Variants in FGF2 observed in about 807,000 individuals in gnomAD.
FGF2 encodes fibroblast growth factor 2, also known as basic fibroblast growth factor bFGF.
FGF2 carries 13 observed loss-of-function variants against 15.9 expected under a neutral mutation model. The ratio of observed to expected loss-of-function variants is 0.82; its 90% confidence interval spans 0.53 to 1.30. The LOEUF (loss-of-function observed/expected upper bound fraction) is 1.30, where lower values mean the gene tolerates loss of function less well. Ranked by LOEUF, FGF2 falls within the 50% of genes most tolerant of loss-of-function variation. FGF2 has a pLI of 0.00. For synonymous variants in FGF2, 90 were observed against 78.4 expected (o/e 1.15, Z -0.78); for missense variants, 163 against 196.9 (o/e 0.83, Z 1.03).
At chr4:122,832,197 AT>A (rs1410391837) in intron 1 of FGF2, among the ~76,000 whole-genome samples, 4 of 152,286 alleles carry the variant, frequency 2.6e-5, no homozygotes, top group Middle Eastern at 3.4e-3. Context: ...CTGGCATGGG[AT>A]AAAAGTCTAT....
Position 122,876,432 on chromosome 4 carries a change from T to C in FGF2, c.282+8T>C. ...GGAAGATTACTGGCTTCTGTAAGCA[T>C]ACTTTCTGTTTTCACACGTTTTTTG... On this transcript the variant is annotated splice_region_variant and intron_variant, in intron 2 of 2. Coordinates refer to ENST00000644866, the MANE Select transcript of FGF2 (RefSeq NM_001361665.2). 2 of 1,558,962 alleles carry C rather than the reference T, an allele frequency of 1.3e-6. No homozygotes were observed. The highest frequency in any genetic ancestry group is 1.8e-6 in the Non-Finnish European group (2 of 1,129,736).
intron 2 of FGF2, among the ~76,000 whole-genome samples, chr4:122,889,716 C>T (rs1727130204): frequency 6.6e-6 from 1 of 151,898 alleles, no homozygotes; most frequent in African/African-American, 2.4e-5. Context: ...GTAGAAATAA[C>T]TTTTGTAATA....
chr4:122,831,170 G>A (rs535040150), intron 1 of FGF2, among the ~76,000 whole-genome samples: 3 of 152,182 alleles, frequency 2.0e-5, no homozygotes, highest in Non-Finnish European at 4.4e-5. Context: ...TCACTTGTGG[G>A]TTTCCTCTTT....
chr4:122,846,788 G>A (rs308420), intron 1 of FGF2, among the ~76,000 whole-genome samples: 19,164 of 152,230 alleles, frequency 0.13, 1,403 homozygotes, highest in South Asian at 0.25. Context: ...TGGGAAGTGA[G>A]GAAGTGGATG....
chr4:122,830,138 C>T (rs1168595614), intron 1 of FGF2, among the ~76,000 whole-genome samples: 2 of 152,144 alleles, frequency 1.3e-5, no homozygotes, highest in African/African-American at 2.4e-5. Context: ...CTGCAGGTAA[C>T]TTTTGAAAGG....
At chr4:122,837,466 A>G (rs308401) in intron 1 of FGF2, among the ~76,000 whole-genome samples, 12,345 of 152,288 alleles carry the variant, frequency 0.081, 925 homozygotes, top group South Asian at 0.2. Flanking sequence ...AAATGCAAAT[A>G]ATCTTTCTAC....
intron 1 of FGF2, among the ~76,000 whole-genome samples, chr4:122,875,399 G>A (rs557405589): frequency 4.0e-5 from 6 of 150,588 alleles, no homozygotes; most frequent in Non-Finnish European, 5.9e-5. Context: ...TAAGCATTTT[G>A]TGTTTCCACT....
chr4:122,857,908 T>C (rs890828229), intron 1 of FGF2, among the ~76,000 whole-genome samples: 2 of 152,224 alleles, frequency 1.3e-5, no homozygotes, highest in African/African-American at 4.8e-5. Context: ...TTAAGTTTCA[T>C]AATAAAAACC....
At chr4:122,861,572 C>T (rs1198362370) in intron 1 of FGF2, among the ~76,000 whole-genome samples, 1 of 151,910 alleles carries the variant, frequency 6.6e-6, no homozygotes, top group Non-Finnish European at 1.5e-5. Flanking sequence ...TTCATGTCTC[C>T]CGTATTTGTT....
intron 1 of FGF2, among the ~76,000 whole-genome samples, chr4:122,828,331 G>C (rs1245526617): frequency 6.6e-6 from 1 of 152,210 alleles, no homozygotes; most frequent in Non-Finnish European, 1.5e-5. Context: ...CATAAGATGA[G>C]CCGATTTACA....
intron 1 of FGF2, among the ~76,000 whole-genome samples, chr4:122,828,341 A>G (rs1426919555): frequency 1.3e-5 from 2 of 152,240 alleles, no homozygotes; most frequent in Non-Finnish European, 2.9e-5. Flanking sequence ...GCCGATTTAC[A>G]ACACTGATGG....
At position 122,861,041 on chromosome 4, in the gene FGF2, C is replaced by T. The variant is rs17006219; in HGVS notation, c.179-15280C>T. Reference sequence around the variant, plus strand: ...ATATACGTATCTTCCTGCACTAGCTCGTACTGACCACTCCATCCAGGCTCT... The same window carrying T: ...ATATACGTATCTTCCTGCACTAGCTTGTACTGACCACTCCATCCAGGCTCT... On this transcript the variant is annotated intron_variant, in intron 1 of 2. Coordinates refer to ENST00000644866, the MANE Select transcript of FGF2 (RefSeq NM_001361665.2). 9.2e-3 allele frequency among the ~76,000 whole-genome samples: 1,397 copies of T among 152,268 alleles called. 22 individuals carry two copies. Among genetic ancestry groups the T allele is most frequent in the African/African-American group, 0.031 (1,282 of 41,552 alleles).
intron 1 of FGF2, among the ~76,000 whole-genome samples, chr4:122,871,793 A>C (rs1382917816): frequency 6.6e-6 from 1 of 151,342 alleles, no homozygotes; most frequent in African/African-American, 2.4e-5. Context: ...AAAAAAAAAA[A>C]AAAAACTAGC....
chr4:122,886,867 C>G (rs2150789823), intron 2 of FGF2, among the ~76,000 whole-genome samples: 1 of 152,216 alleles, frequency 6.6e-6, no homozygotes, highest in South Asian at 2.1e-4. Flanking sequence ...TATTAGAAAC[C>G]ACAAACTGGA....
intron 1 of FGF2, among the ~76,000 whole-genome samples, chr4:122,837,176 C>T (rs1189215843): frequency 1.3e-5 from 2 of 152,128 alleles, no homozygotes; most frequent in African/African-American, 2.4e-5. Context: ...TCACAACAAT[C>T]TGAAAAACTC....
intron 1 of FGF2, among the ~76,000 whole-genome samples, chr4:122,871,558 CAG>C (rs775872373): frequency 3.1e-4 from 47 of 151,970 alleles, no homozygotes; most frequent in Non-Finnish European, 4.4e-4. Context: ...GACCCTCTAA[CAG>C]GGGGTTGTCA....
intron 1 of FGF2, among the ~76,000 whole-genome samples, chr4:122,837,973 A>G (rs963630671): frequency 2.0e-5 from 3 of 152,206 alleles, no homozygotes; most frequent in Non-Finnish European, 2.9e-5. Context: ...TTCTCCTTAC[A>G]TATTTATATA....
At position 122,895,495 on chromosome 4, in the gene FGF2, T is replaced by G. The variant is rs1727321625; in HGVS notation, c.*3099T>G. 6.6e-6 allele frequency: 1 copy of G among 152,216 alleles called. No homozygotes were observed. The highest frequency in any genetic ancestry group is 2.1e-4 in the South Asian group (1 of 4,828). The allele number at this position is 152,216 out of a possible 1,614,324, so 9.4% of individuals were successfully genotyped here. On this transcript the variant is annotated 3_prime_UTR_variant, in exon 3 of 3. Transcript: ENST00000644866. ...GCAGAATGTGGGTTTTCCTGGTGTTTCCCTCTGACTCTAGTGCACTGATGA... is the reference window on the plus strand; with the variant it reads ...GCAGAATGTGGGTTTTCCTGGTGTTGCCCTCTGACTCTAGTGCACTGATGA...
In FGF2 at chr4:122,893,309, T is replaced by G. The variant is rs1376584405; in HGVS notation, c.*913T>G. On this transcript the variant is annotated 3_prime_UTR_variant, in exon 3 of 3. Transcript: ENST00000644866. The stretch of plus-strand genomic sequence containing the variant: ...TCAAAGATTTTCAGTTAAAGTAGCA[T>G]TATGTAAAGGCTCAAAACATTACCC... The G allele has an allele frequency of 1.5e-6, 2 of 1,333,174 alleles. No individual in the cohort carries two copies. The highest frequency in any genetic ancestry group is 2.9e-5 in the African/African-American group (2 of 67,846). The allele number at this position is 1,333,174 out of a possible 1,614,324, so 82.6% of individuals were successfully genotyped here. A position where few individuals can be genotyped will look rare whatever the true frequency, so the allele number is the denominator to read the frequency against.
Sources: gnomAD v4.1 joint callset for allele counts (sites outside exome capture counted in the v4.1 genomes callset) on GRCh38, gnomAD v4.1.1 for gene constraint, MANE v1.5 for transcripts, NCBI Gene and HGNC (gene_info 2026-07-23, HGNC 2026-07-21) for gene names.